The following TAF1A variants were observed in gnomAD, a reference collection of about 807,000 sequenced individuals.
The protein encoded by TAF1A is TATA box-binding protein-associated factor RNA polymerase I subunit A.
In TAF1A, 42 loss-of-function variants were observed where a neutral mutation model predicts 61.6. That is an observed-to-expected ratio of 0.68 (90% CI 0.53 to 0.88). The LOEUF is 0.88. TAF1A is among the 40% of genes least tolerant of loss of function. The pLI, the probability that TAF1A is intolerant of heterozygous loss-of-function variation, is 0.00. For synonymous variants in TAF1A, 179 were observed against 177.7 expected, an observed-to-expected ratio of 1.01 and a Z score of -0.06; for missense variants, 424 against 518.7, an observed-to-expected ratio of 0.82 and a Z score of 1.77.
At chr1:222,586,296 G>A (rs1392363857) in intron 2 of TAF1A, among the ~76,000 whole-genome samples, 5 of 152,192 alleles carry the variant, frequency 3.3e-5, no homozygotes, top group African/African-American at 1.2e-4. Flanking sequence ...AAAACACCTC[G>A]TCCTTAAAAC....
intron 5 of TAF1A, among the ~76,000 whole-genome samples, chr1:222,573,202 G>A (rs779542638): frequency 5.9e-5 from 9 of 152,214 alleles, no homozygotes; most frequent in Non-Finnish European, 8.8e-5. Flanking sequence ...CTGGGAGCCA[G>A]AGGTTGCAGT....
intron 2 of TAF1A, among the ~76,000 whole-genome samples, chr1:222,585,532 A>C (rs3008646): frequency 1 from 151,265 of 151,964 alleles, 75,289 homozygotes; most frequent in Middle Eastern, 1. Context: ...ACCATAGCCT[A>C]GACCTCCTGG....
chr1:222,561,657 A>G, intron 9 of TAF1A, 139 bp from the exon 10 acceptor site: 1 of 777,260 alleles, frequency 1.3e-6, no homozygotes, highest in African/African-American at 1.8e-5. Flanking sequence ...GCCAAGGCAT[A>G]ACACATGATT....
At chr1:222,560,736 T>C (rs1659879528) in intron 10 of TAF1A, among the ~76,000 whole-genome samples, 1 of 152,218 alleles carries the variant, frequency 6.6e-6, no homozygotes, top group Non-Finnish European at 1.5e-5. Flanking sequence ...TGCTTACTAG[T>C]GGTCACTGTA....
At position 222,563,223 on chromosome 1, in the gene TAF1A, AT is replaced by A. The variant is rs1261332920; in HGVS notation, c.1034del (p.Asn345IlefsTer2). ...GVLDFAGCTK[N>X]ITAWKYLAKY... ...TTGCCAAGTATTTCCAAGCAGTTAT[AT>A]TCTTAGTGCATCCGGCAAAATCTAA... On this transcript the variant is annotated frameshift_variant, in exon 9 of 11. Transcript: ENST00000352967. LOFTEE classifies it high-confidence loss of function. 1 of 1,613,052 alleles carries A rather than the reference AT, an allele frequency of 6.2e-7. No homozygotes were observed. Among genetic ancestry groups the A allele is most frequent in the Non-Finnish European group, 8.5e-7 (1 of 1,179,356 alleles).
chr1:222,573,060 G>A (rs1660424343), intron 5 of TAF1A, among the ~76,000 whole-genome samples: 1 of 152,174 alleles, frequency 6.6e-6, no homozygotes, highest in African/African-American at 2.4e-5. Context: ...CTTGAGGTCA[G>A]GAGTTCGAGA....
intron 7 of TAF1A, among the ~76,000 whole-genome samples, chr1:222,564,408 A>G (rs1414975099): frequency 1.3e-5 from 2 of 151,794 alleles, no homozygotes; most frequent in Non-Finnish European, 2.9e-5. Flanking sequence ...CCTTATACAT[A>G]TCTATACTGT....
chr1:222,570,807 T>C, intron 5 of TAF1A, 142 bp from the exon 6 acceptor site: 2 of 751,076 alleles, frequency 2.7e-6, no homozygotes, highest in Non-Finnish European at 4.0e-6. Context: ...TAAAGGAAAA[T>C]ACTAATTCTT....
At chr1:222,554,900 T>TA (rs1319592732), downstream of TAF1A, among the ~76,000 whole-genome samples, 2 of 152,162 alleles carry the variant, frequency 1.3e-5, no homozygotes, top group African/African-American at 2.4e-5. Context: ...TCCATATAAT[T>TA]AATCAGCTAG....
rs765473835 is a variant in TAF1A at position 222,558,670 on chromosome 1, G to A, written c.1343C>T (p.Pro448Leu). Residue 448 changes from proline (P) to leucine (L), a missense_variant, in exon 11 of 11, where the codon CCA becomes CTA. By Grantham distance (98) the Pro-to-Leu change is moderately conservative. Transcript: ENST00000352967. ...AACTAAAATTCAGTATCAGAGTCTTGGATTTACAATACTGTATTTTTTCAC... is the reference window on the plus strand; with the variant it reads ...AACTAAAATTCAGTATCAGAGTCTTAGATTTACAATACTGTATTTTTTCAC... The part of the protein sequence containing the change: ...RSVKKYSIVN[P>L]RL 1.7e-5 allele frequency: 26 copies of A among 1,533,364 alleles called. No homozygotes were observed. The highest frequency in any genetic ancestry group is 2.3e-5 in the Non-Finnish European group (26 of 1,132,856). 95.0% of individuals were successfully genotyped at this position (1,533,364 alleles called of 1,614,324 possible).
chr1:222,589,917 G>A lies in TAF1A; in HGVS notation c.-193C>T. 1 of 397,112 alleles carries A rather than the reference G, an allele frequency of 2.5e-6. No individual in the cohort carries two copies. The highest frequency in any genetic ancestry group is 2.1e-5 in the African/African-American group (1 of 48,734). The allele number at this position is 397,112 out of a possible 1,614,324, so 24.6% of individuals were successfully genotyped here. On this transcript the variant is annotated 5_prime_UTR_variant, in exon 1 of 11. Coordinates refer to ENST00000352967, the MANE Select transcript of TAF1A (RefSeq NM_005681.4). ...CTGCAGCAGGCGTATCGTTGGCCTC[G>A]CCTCGACCCCGGAAGTGACTTCTGG...
rs374878249 is a variant in TAF1A at position 222,563,057 on chromosome 1, GAC to G, written c.1085+114_1085+115del. ...AAAATGTACTCAGAAAACAGCTGAA[GAC>G]ACAATTCAAGAAATTATAAAACATA... On this transcript the variant is annotated intron_variant, in intron 9 of 10. Coordinates refer to ENST00000352967, the MANE Select transcript of TAF1A (RefSeq NM_005681.4). 6.9e-5 allele frequency: 70 copies of G among 1,011,066 alleles called. No individual in the cohort carries two copies. In the African/African-American group the frequency reaches 1.0e-3, roughly 15 times the overall value. The allele number at this position is 1,011,066 out of a possible 1,614,324, so 62.6% of individuals were successfully genotyped here. A position where few individuals can be genotyped will look rare whatever the true frequency, so the allele number is the denominator to read the frequency against.
chr1:222,583,420 TA>T (rs1213487085), intron 3 of TAF1A, among the ~76,000 whole-genome samples: 2 of 46,428 alleles, frequency 4.3e-5, no homozygotes, highest in Non-Finnish European at 8.3e-5. Context: ...AACGTCTTGA[TA>T]AAACGAAAAA....
rs1659909498 is a variant in TAF1A at position 222,561,395 on chromosome 1, T to G, written c.1209A>C (p.Lys403Asn). The G allele has an allele frequency of 6.2e-7, 1 of 1,608,202 alleles. No individual in the cohort carries two copies. Among genetic ancestry groups the G allele is most frequent in the Non-Finnish European group, 8.5e-7 (1 of 1,177,952 alleles). ...CTAACAGTAAACCAGCCACAAAAGC[T>G]TTCTCACAGGCCAAAGCTGTATCTT... is the stretch of plus-strand genomic sequence containing the variant. ...WKEDTALACE[K>N]AFVAGLLLGK... The change falls in exon 10 of 11, where the codon AAA becomes AAC. Residue 403 changes from lysine (K) to asparagine (N), a missense_variant. Coordinates refer to ENST00000352967, the MANE Select transcript of TAF1A (RefSeq NM_005681.4).
chr1:222,563,327 T>G, intron 8 of TAF1A, 31 bp from the exon 9 acceptor site: 1 of 1,607,740 alleles, frequency 6.2e-7, no homozygotes, highest in Non-Finnish European at 8.5e-7. Context: ...CAAGTTTACA[T>G]AAGGTATTAA....
chr1:222,563,345 A>G, intron 8 of TAF1A, 49 bp from the exon 9 acceptor site: 1 of 1,582,792 alleles, frequency 6.3e-7, no homozygotes, highest in African/African-American at 1.4e-5. Context: ...TAAAGTGTAC[A>G]AAGCTAAAAT....
chr1:222,573,485 CATA>C (rs1485534358), intron 5 of TAF1A, among the ~76,000 whole-genome samples: 1 of 151,950 alleles, frequency 6.6e-6, no homozygotes, highest in Non-Finnish European at 1.5e-5. Context: ...ACAAATGGCC[CATA>C]AGCACATGAA....
chr1:222,568,714 C>T (rs1330527664), intron 7 of TAF1A: 1 of 152,200 alleles, frequency 6.6e-6, no homozygotes, highest in Non-Finnish European at 1.5e-5. Context: ...TAAGCATATA[C>T]TTTCCTTACT....
chr1:222,575,623 G>C (rs1011039910), intron 5 of TAF1A, among the ~76,000 whole-genome samples: 1 of 152,120 alleles, frequency 6.6e-6, no homozygotes, highest in African/African-American at 2.4e-5. Context: ...CCAAGACAGA[G>C]CCACATAACA....
Sources: gnomAD v4.1 joint callset for allele counts (sites outside exome capture counted in the v4.1 genomes callset) on GRCh38, gnomAD v4.1.1 for gene constraint, MANE v1.5 for transcripts, NCBI Gene and HGNC (gene_info 2026-07-23, HGNC 2026-07-21) for gene names.